EVL: variants seen among roughly 807,000 people sequenced by gnomAD.
The protein encoded by EVL is Enah/Vasp-like.
Under a neutral mutation model 59.6 loss-of-function variants are expected in EVL, and 21 were observed. That is an observed-to-expected ratio of 0.35 (90% CI 0.25 to 0.51). The LOEUF is 0.51. Ranked by LOEUF, EVL falls within the 20% of genes least tolerant of loss-of-function variation. The probability of loss-of-function intolerance (pLI) is 0.97; values close to 1 mark genes in which losing one functional copy is unlikely to be tolerated. For synonymous variants in EVL, 198 were observed against 203.5 expected, an observed-to-expected ratio of 0.97 and a Z score of 0.23; for missense variants, 462 against 546.6, an observed-to-expected ratio of 0.85 and a Z score of 1.54.
At chr14:100,073,849 A>G (rs1269109209) in intron 1 of EVL, among the ~76,000 whole-genome samples, 1 of 152,210 alleles carries the variant, frequency 6.6e-6, no homozygotes, top group East Asian at 1.9e-4. Flanking sequence ...TTTAAAAACC[A>G]AACCAAACAA....
intron 3 of EVL, among the ~76,000 whole-genome samples, chr14:100,103,852 A>G (rs979821358): frequency 2.6e-5 from 4 of 152,176 alleles, no homozygotes; most frequent in African/African-American, 9.7e-5. Flanking sequence ...CATAGATACA[A>G]GCTCCTGAGG....
At chr14:100,083,821 T>C (rs1321209589) in intron 1 of EVL, among the ~76,000 whole-genome samples, 3 of 152,136 alleles carry the variant, frequency 2.0e-5, no homozygotes, top group Admixed American at 1.3e-4. Flanking sequence ...AAATGAAGCA[T>C]TTTGTTGGAT....
At chr14:100,135,865 G>A (rs1445360969) in intron 8 of EVL, 40 bp from the exon 9 acceptor site, 5 of 1,601,894 alleles carry the variant, frequency 3.1e-6, no homozygotes, top group African/African-American at 1.3e-5. Context: ...CCTGGCCCCA[G>A]GTGGCCTTCC....
chr14:100,106,582 T>C, intron 3 of EVL: 1 of 339,882 alleles, frequency 2.9e-6, no homozygotes, highest in African/African-American at 2.1e-5. Flanking sequence ...TTCTCTCTCC[T>C]TTGCAGTACA....
chr14:100,067,123 C>G (rs2061946262), intron 1 of EVL, among the ~76,000 whole-genome samples: 1 of 152,168 alleles, frequency 6.6e-6, no homozygotes, highest in African/African-American at 2.4e-5. Flanking sequence ...CTCCCCCGTA[C>G]AAGGCTGCTT....
chr14:100,019,520 A>AG (rs1287857238), intron 1 of EVL: 12 of 652,004 alleles, frequency 1.8e-5, no homozygotes, highest in Non-Finnish European at 2.7e-5. Context: ...CCCTGTCTGC[A>AG]GAAAGCCTTT....
At chr14:100,042,437 T>C (rs983056422) in intron 1 of EVL, among the ~76,000 whole-genome samples, 4 of 152,244 alleles carry the variant, frequency 2.6e-5, no homozygotes, top group African/African-American at 4.8e-5. Flanking sequence ...AGATTTGCAT[T>C]GATACAGGAA....
At chr14:100,047,343 A>G (rs889097934) in intron 1 of EVL, among the ~76,000 whole-genome samples, 2 of 151,976 alleles carry the variant, frequency 1.3e-5, no homozygotes, top group Non-Finnish European at 2.9e-5. Flanking sequence ...CTCTGAAAGC[A>G]GGAAGCATAG....
At chr14:100,006,965 C>A (rs2060986508) in intron 1 of EVL, among the ~76,000 whole-genome samples, 1 of 151,962 alleles carries the variant, frequency 6.6e-6, no homozygotes, top group South Asian at 2.1e-4. Context: ...GTACAAGCAC[C>A]AGTAGGAGAT....
At chr14:100,000,224 T>G (rs1248626841) in intron 1 of EVL, among the ~76,000 whole-genome samples, 1 of 151,948 alleles carries the variant, frequency 6.6e-6, no homozygotes. Context: ...TAGGGAGACA[T>G]GAGACATCAG....
chr14:100,111,478 G>T lies in EVL; in HGVS notation c.359-12061G>T, dbSNP rs116677354. ...GGCCAGTTTCCTTGTCTTTAAAATG[G>T]GTGTGACAACCACCTCACAGAGTTG... is the stretch of plus-strand genomic sequence containing the variant. On this transcript the variant is annotated intron_variant, in intron 3 of 13. Coordinates refer to ENST00000392920, the MANE Select transcript of EVL (RefSeq NM_016337.3). 5.6e-3 allele frequency among the ~76,000 whole-genome samples: 852 copies of T among 152,110 alleles called. 7 individuals are homozygous for T. Among genetic ancestry groups the T allele is most frequent in the African/African-American group, 0.019 (805 of 41,464 alleles).
At chr14:99,973,868 AT>A (rs1162947776) in intron 1 of EVL, among the ~76,000 whole-genome samples, 2 of 152,198 alleles carry the variant, frequency 1.3e-5, no homozygotes. Flanking sequence ...AAGGGGTTAA[AT>A]TTTATTTTTA....
At chr14:100,137,683 G>A (rs1451099438) in intron 10 of EVL, 39 bp downstream of exon 10, 3 of 1,613,944 alleles carry the variant, frequency 1.9e-6, no homozygotes, top group Non-Finnish European at 2.5e-6. Flanking sequence ...CGAGGCTGGT[G>A]GGGCAGAGGC....
chr14:100,026,243 CAAAAA>C (rs58784988), intron 1 of EVL, among the ~76,000 whole-genome samples: 2 of 143,444 alleles, frequency 1.4e-5, no homozygotes, highest in African/African-American at 5.0e-5. Flanking sequence ...AAAAAAAAAA[CAAAAA>C]AAAAACACAA....
At chr14:100,005,467 A>T (rs1011457817) in intron 1 of EVL, among the ~76,000 whole-genome samples, 1 of 152,136 alleles carries the variant, frequency 6.6e-6, no homozygotes, top group African/African-American at 2.4e-5. Context: ...CTTGGCAGGG[A>T]TAAGTATGTC....
intron 2 of EVL, among the ~76,000 whole-genome samples, chr14:100,086,123 C>T (rs1052582963): frequency 2.0e-5 from 3 of 152,096 alleles, no homozygotes; most frequent in Non-Finnish European, 4.4e-5. Context: ...AGCGAGACTC[C>T]GAAAAGATAG....
At chr14:100,038,545 C>T (rs2061420643) in intron 1 of EVL, among the ~76,000 whole-genome samples, 1 of 152,140 alleles carries the variant, frequency 6.6e-6, no homozygotes, top group Non-Finnish European at 1.5e-5. Flanking sequence ...AAGTCTGGGT[C>T]CCATTTGCAT....
chr14:100,124,963 C>T (rs561484613), intron 4 of EVL, among the ~76,000 whole-genome samples: 4 of 151,924 alleles, frequency 2.6e-5, no homozygotes, highest in African/African-American at 4.8e-5. Context: ...CACGTACGGA[C>T]GGACACACAC....
At chr14:100,046,754 T>C (rs1426418715) in intron 1 of EVL, among the ~76,000 whole-genome samples, 8 of 128,058 alleles carry the variant, frequency 6.2e-5, no homozygotes, top group Non-Finnish European at 1.4e-4. Flanking sequence ...TTTTTCTTTC[T>C]TTTTTTTTTT....
Sources: allele counts gnomAD v4.1 joint callset (sites outside exome capture counted in the v4.1 genomes callset), GRCh38; gene constraint gnomAD v4.1.1; transcripts MANE v1.5; gene names NCBI Gene and HGNC (gene_info 2026-07-23, HGNC 2026-07-21).